The following LRRC8C variants were observed in gnomAD, a reference collection of about 807,000 sequenced individuals.
The protein encoded by LRRC8C is volume-regulated anion channel subunit LRRC8C.
A neutral mutation model predicts 55.3 loss-of-function variants in LRRC8C; 20 were observed. That is an observed-to-expected ratio of 0.36 (90% CI 0.25 to 0.53). The LOEUF is 0.53. LRRC8C is among the 20% of genes least tolerant of loss of function. LRRC8C has a pLI of 0.92. For missense variants in LRRC8C, 659 were observed against 951.4 expected (o/e 0.69, Z 4.04); for synonymous variants, 376 against 360.7 (o/e 1.04, Z -0.48).
intron 1 of LRRC8C, among the ~76,000 whole-genome samples, chr1:89,642,893 C>A (rs763432197): frequency 1.1e-4 from 16 of 151,062 alleles, no homozygotes; most frequent in Non-Finnish European, 2.1e-4. Flanking sequence ...TGGTGCGCAC[C>A]TGTAATCCCA....
intron 1 of LRRC8C, among the ~76,000 whole-genome samples, chr1:89,638,800 A>G (rs924411732): frequency 1.3e-5 from 2 of 152,048 alleles, no homozygotes; most frequent in Admixed American, 6.5e-5. Flanking sequence ...ATTTCCTGGA[A>G]GGGAAGCCCT....
chr1:89,707,853 T>G (rs12127857), intron 2 of LRRC8C, among the ~76,000 whole-genome samples: 16 of 152,200 alleles, frequency 1.1e-4, no homozygotes, highest in Non-Finnish European at 1.9e-4. Flanking sequence ...TTCACTCCAA[T>G]GTAAAGTAGG....
In LRRC8C at chr1:89,703,652, G is replaced by A. The variant is rs919268369; in HGVS notation, c.139-9057G>A. On this transcript the variant is annotated intron_variant, in intron 2 of 2. Transcript: ENST00000370454. ...ACAACATATTCTTGGAAGTGGTGTG[G>A]AGATACTAAAAATTTTAACTGTACA... 3.3e-5 allele frequency among the ~76,000 whole-genome samples: 5 copies of A among 151,934 alleles called. No homozygotes were observed. In the East Asian group the frequency reaches 9.6e-4, roughly 29 times the overall value.
chr1:89,631,343 T>C (rs529239969), upstream of LRRC8C, among the ~76,000 whole-genome samples: 18 of 152,270 alleles, frequency 1.2e-4, no homozygotes, highest in Non-Finnish European at 4.4e-5. Flanking sequence ...GTACAAAGTC[T>C]AAGGTTCAAT....
At chr1:89,688,203 C>G (rs369895603) in intron 2 of LRRC8C, among the ~76,000 whole-genome samples, 10 of 152,094 alleles carry the variant, frequency 6.6e-5, no homozygotes, top group African/African-American at 2.2e-4. Flanking sequence ...CCCTCCCCTC[C>G]AACAAAGGGT....
At chr1:89,689,469 G>C (rs1224328770) in intron 2 of LRRC8C, among the ~76,000 whole-genome samples, 2 of 152,188 alleles carry the variant, frequency 1.3e-5, no homozygotes, top group Non-Finnish European at 2.9e-5. Flanking sequence ...TACAGCTGTT[G>C]AGAATATACT....
the LRRC8C span, among the ~76,000 whole-genome samples, chr1:89,619,385 T>G: frequency 1.3e-5 from 2 of 150,796 alleles, no homozygotes; most frequent in African/African-American, 4.8e-5. Flanking sequence ...TATATTAGTT[T>G]TATATTTATA....
chr1:89,620,906 T>G, the LRRC8C span, among the ~76,000 whole-genome samples: 2 of 152,242 alleles, frequency 1.3e-5, no homozygotes, highest in African/African-American at 2.4e-5. Flanking sequence ...CCATGACGAC[T>G]CCTCATTTTC....
intron 2 of LRRC8C, among the ~76,000 whole-genome samples, chr1:89,701,573 T>C (rs1310193689): frequency 5.3e-5 from 8 of 152,070 alleles, no homozygotes; most frequent in Non-Finnish European, 1.5e-5. Context: ...TGGTGGAACA[T>C]GTGTAAAGAA....
At chr1:89,701,560 T>C (rs1185855091) in intron 2 of LRRC8C, among the ~76,000 whole-genome samples, 2 of 152,112 alleles carry the variant, frequency 1.3e-5, no homozygotes, top group South Asian at 2.1e-4. Context: ...TTTCATATGC[T>C]GTTGGTGGAA....
At chr1:89,684,232 G>C (rs763694666) in intron 1 of LRRC8C, among the ~76,000 whole-genome samples, 1 of 152,118 alleles carries the variant, frequency 6.6e-6, no homozygotes, top group African/African-American at 2.4e-5. Context: ...CTCTATATTG[G>C]TGCATTTTAT....
At chr1:89,702,904 G>T (rs1041769964) in intron 2 of LRRC8C, among the ~76,000 whole-genome samples, 2 of 152,100 alleles carry the variant, frequency 1.3e-5, no homozygotes. Flanking sequence ...AAGAAGTAAT[G>T]AATTAAACAA....
rs376659817 is a variant in LRRC8C at position 89,719,277 on chromosome 1, C to G, written c.*4295C>G. On this transcript the variant is annotated 3_prime_UTR_variant, in exon 3 of 3. Coordinates refer to ENST00000370454, the MANE Select transcript of LRRC8C (RefSeq NM_032270.5). ...TCTTCAGAATACCTCTCTCCACCCC[C>G]CACCTTATTCTTCCTCTTTAATGAA... 1 of 152,134 alleles carries G rather than the reference C, an allele frequency of 6.6e-6. No individual in the cohort carries two copies. The highest frequency in any genetic ancestry group is 1.5e-5 in the Non-Finnish European group (1 of 68,008). 9.4% of individuals were successfully genotyped at this position (152,134 alleles called of 1,614,324 possible). A position where few individuals can be genotyped will look rare whatever the true frequency, so the allele number is the denominator to read the frequency against.
the LRRC8C span, among the ~76,000 whole-genome samples, chr1:89,616,118 G>A: frequency 6.6e-6 from 1 of 152,100 alleles, no homozygotes; most frequent in African/African-American, 2.4e-5. Context: ...ACTCCCTTGT[G>A]CCTCCACCAC....
rs989515932 is a variant in LRRC8C at position 89,678,970 on chromosome 1, G to A, written c.-4-7500G>A. 1.6e-4 allele frequency among the ~76,000 whole-genome samples: 25 copies of A among 152,310 alleles called. 2 individuals are homozygous for A. The highest frequency in any genetic ancestry group is 9.8e-4 in the Admixed American group (15 of 15,304). On this transcript the variant is annotated intron_variant, in intron 1 of 2. Coordinates refer to ENST00000370454, the MANE Select transcript of LRRC8C (RefSeq NM_032270.5). ...ATATCCAAGAGGAGATGTCGAGTACGTAGTGGGAACTCTGAGTCTGGATGG... is the reference window on the plus strand; with the variant it reads ...ATATCCAAGAGGAGATGTCGAGTACATAGTGGGAACTCTGAGTCTGGATGG...
the LRRC8C span, among the ~76,000 whole-genome samples, chr1:89,625,407 T>C: frequency 6.6e-6 from 1 of 152,184 alleles, no homozygotes; most frequent in Non-Finnish European, 1.5e-5. Context: ...AATTCCAGCT[T>C]ATGTTCTTTT....
chr1:89,638,506 C>T lies in LRRC8C; in HGVS notation c.-5+5184C>T, dbSNP rs556267827. ...CCCCGCTTGAGAACACATGGTGTAG[C>T]ATGATTCTATATCATGTTTAAAATC... On this transcript the variant is annotated intron_variant, in intron 1 of 2. Coordinates refer to ENST00000370454, the MANE Select transcript of LRRC8C (RefSeq NM_032270.5). 2.8e-4 allele frequency among the ~76,000 whole-genome samples: 43 copies of T among 152,130 alleles called. No homozygotes were observed. In the South Asian group the frequency reaches 8.9e-3, roughly 32 times the overall value.
chr1:89,651,607 A>G (rs1348019697), intron 1 of LRRC8C, among the ~76,000 whole-genome samples: 1 of 150,586 alleles, frequency 6.6e-6, no homozygotes, highest in African/African-American at 2.4e-5. Context: ...TAGACCACAT[A>G]TGATTTATAA....
intron 1 of LRRC8C, among the ~76,000 whole-genome samples, chr1:89,680,524 G>A (rs1325142068): frequency 7.0e-6 from 1 of 142,668 alleles, no homozygotes; most frequent in East Asian, 2.1e-4. Flanking sequence ...TAGTTGATAA[G>A]TGCCAGGTGT....
Sources: allele counts gnomAD v4.1 joint callset (sites outside exome capture counted in the v4.1 genomes callset), GRCh38; gene constraint gnomAD v4.1.1; transcripts MANE v1.5; gene names NCBI Gene and HGNC (gene_info 2026-07-23, HGNC 2026-07-21).